Variants in SPI1 observed in about 807,000 individuals in gnomAD.
SPI1 encodes the protein Spi-1 proto-oncogene.
Under a neutral mutation model 30.7 loss-of-function variants are expected in SPI1, and 3 were observed. The ratio of observed to expected loss-of-function variants is 0.10; its 90% confidence interval spans 0.04 to 0.25. The LOEUF is 0.25. Among genes scored for constraint, SPI1 ranks in the 10% least tolerant of loss-of-function variants. The pLI is 1.00. For synonymous variants in SPI1, 169 were observed against 157.1 expected, an observed-to-expected ratio of 1.08 and a Z score of -0.56; for missense variants, 261 against 371.5, an observed-to-expected ratio of 0.70 and a Z score of 2.45.
At chr11:47,363,833 G>T (rs2095924348) in intron 2 of SPI1, among the ~76,000 whole-genome samples, 1 of 151,240 alleles carries the variant, frequency 6.6e-6, no homozygotes, top group Admixed American at 6.6e-5. Flanking sequence ...CTGATGGCAG[G>T]TGCCTGTAAT....
intron 1 of SPI1, among the ~76,000 whole-genome samples, chr11:47,376,175 C>A (rs1312932034): frequency 6.6e-6 from 1 of 152,040 alleles, no homozygotes; most frequent in East Asian, 1.9e-4. Context: ...ATCCCTCACA[C>A]ACACATCTTC....
At chr11:47,356,602 C>T (rs1169593378) in intron 4 of SPI1, among the ~76,000 whole-genome samples, 1 of 151,182 alleles carries the variant, frequency 6.6e-6, no homozygotes, top group African/African-American at 2.4e-5. Context: ...CTCATAATCA[C>T]ACCTGCTTAT....
Position 47,375,857 on chromosome 11 carries a change from C to A in SPI1, c.46-128G>T. 1 of 771,554 alleles carries A rather than the reference C, an allele frequency of 1.3e-6. No individual in the cohort carries two copies. The highest frequency in any genetic ancestry group is 2.3e-6 in the Non-Finnish European group (1 of 436,524). 47.8% of individuals were successfully genotyped at this position (771,554 alleles called of 1,614,324 possible). On this transcript the variant is annotated intron_variant, in intron 1 of 4. Coordinates refer to ENST00000378538, the MANE Select transcript of SPI1 (RefSeq NM_003120.3). This position sits in a 1 kb window ranked among gnomAD's most constrained non-coding sequence, Gnocchi z 4.2. ...TGGCTGCGTTGGACCTACAGCCCTC[C>A]CTCTGCCTGGAACTGGGACAGAGAG...
At position 47,374,081 on chromosome 11, in the gene SPI1, C is replaced by T. The variant is rs572307670; in HGVS notation, c.142+1552G>A. ...CCTGACAGCACTGTCTGTGGTGACC[C>T]GAGCCACCAGGGGGCGCCTGTCCCA... On this transcript the variant is annotated intron_variant, in intron 2 of 4. Transcript: ENST00000378538. This position sits in a 1 kb window ranked among gnomAD's most constrained non-coding sequence, Gnocchi z 4.5. 4.3e-4 allele frequency among the ~76,000 whole-genome samples: 65 copies of T among 152,284 alleles called. No individual in the cohort carries two copies. The highest frequency in any genetic ancestry group is 1.5e-3 in the African/African-American group (63 of 41,564).
intron 2 of SPI1, among the ~76,000 whole-genome samples, chr11:47,373,040 A>G (rs1040493536): frequency 1.3e-5 from 2 of 152,098 alleles, no homozygotes; most frequent in Non-Finnish European, 2.9e-5. Flanking sequence ...TTCAGACGAT[A>G]CCTTCCAGCG....
intron 2 of SPI1, among the ~76,000 whole-genome samples, chr11:47,370,629 G>A (rs571111633): frequency 6.6e-6 from 1 of 152,328 alleles, no homozygotes; most frequent in South Asian, 2.1e-4. Context: ...TTGAACCCAG[G>A]AGGCTGAGGC....
Position 47,375,621 on chromosome 11 carries a change from C to T in SPI1, c.142+12G>A, listed in dbSNP as rs750629551. The T allele has an allele frequency of 6.2e-7, 1 of 1,608,102 alleles. No homozygotes were observed. Among genetic ancestry groups the T allele is most frequent in the Non-Finnish European group, 8.5e-7 (1 of 1,174,824 alleles). ...GGCTGGGGGATGGGGGCGTGGCAGG[C>T]CCCGTACTCACCGCTATGGCTCTCC... On this transcript the variant is annotated intron_variant, in intron 2 of 4. Transcript: ENST00000378538. The surrounding 1 kb of genome is among the most constrained non-coding windows in gnomAD (Gnocchi z 4.2).
At chr11:47,373,500 T>C (rs1328630675) in intron 2 of SPI1, among the ~76,000 whole-genome samples, 1 of 150,870 alleles carries the variant, frequency 6.6e-6, no homozygotes, top group African/African-American at 2.4e-5. Context: ...ATACAAAAAT[T>C]AGCCAGGCAT....
At chr11:47,356,844 A>ATG in intron 4 of SPI1, among the ~76,000 whole-genome samples, 1 of 147,012 alleles carries the variant, frequency 6.8e-6, no homozygotes, top group Non-Finnish European at 1.5e-5. Flanking sequence ...TCAGCCCCAC[A>ATG]CGCACACACC....
In SPI1 at chr11:47,358,428, ATG is replaced by A. The variant is rs1442221508; in HGVS notation, c.493+414_493+415del. ...TGCTCACACGCACTGAAATACATTC[ATG>A]TGTTGACAGACACACAAACATGGCC... is the stretch of plus-strand genomic sequence containing the variant. On this transcript the variant is annotated intron_variant, in intron 4 of 4. Transcript: ENST00000378538. 1.3e-5 allele frequency: 8 copies of A among 631,960 alleles called. No individual in the cohort carries two copies. The African/African-American group carries it at 1.4e-4, about 11-fold the overall frequency. The allele number at this position is 631,960 out of a possible 1,614,324, so 39.1% of individuals were successfully genotyped here.
chr11:47,364,869 C>T (rs1312006910), intron 2 of SPI1, among the ~76,000 whole-genome samples: 1 of 152,166 alleles, frequency 6.6e-6, no homozygotes, highest in East Asian at 1.9e-4. Context: ...GGAGCTGGGA[C>T]TCTGCATCTA....
At position 47,359,751 on chromosome 11, in the gene SPI1, AGC is replaced by A; in HGVS notation, c.330+100_330+101del. ...CCGCCGTTGGCACTGTGGGGCAGGA[AGC>A]TGAGTTGGGTAAGAGCCTGTGTCAG... On this transcript the variant is annotated intron_variant, in intron 3 of 4. Transcript: ENST00000378538. This position sits in a 1 kb window ranked among gnomAD's most constrained non-coding sequence, Gnocchi z 5.1. 1.5e-6 allele frequency: 2 copies of A among 1,354,372 alleles called. No individual in the cohort carries two copies. Among genetic ancestry groups the A allele is most frequent in the East Asian group, 4.7e-5 (2 of 42,876 alleles). The allele number at this position is 1,354,372 out of a possible 1,614,324, so 83.9% of individuals were successfully genotyped here. A position where few individuals can be genotyped will look rare whatever the true frequency, so the allele number is the denominator to read the frequency against.
chr11:47,365,321 C>T (rs2095926705), intron 2 of SPI1, among the ~76,000 whole-genome samples: 1 of 152,202 alleles, frequency 6.6e-6, no homozygotes, highest in African/African-American at 2.4e-5. Flanking sequence ...TCTGGACCCT[C>T]ATTTCTACAG....
At chr11:47,366,531 G>A (rs542098207) in intron 2 of SPI1, among the ~76,000 whole-genome samples, 1 of 152,224 alleles carries the variant, frequency 6.6e-6, no homozygotes, top group South Asian at 2.1e-4. Context: ...TAGGGCTCCC[G>A]AAGCCCAGCC....
intron 4 of SPI1, among the ~76,000 whole-genome samples, chr11:47,356,365 C>A (rs550021217): frequency 1.2e-4 from 18 of 151,296 alleles, no homozygotes; most frequent in Admixed American, 3.3e-4. Flanking sequence ...GTCACACCCA[C>A]TCATGCTCAC....
At chr11:47,364,679 G>A (rs956778830) in intron 2 of SPI1, among the ~76,000 whole-genome samples, 9 of 151,930 alleles carry the variant, frequency 5.9e-5, no homozygotes, top group African/African-American at 1.2e-4. Flanking sequence ...GTTTTCCTCC[G>A]CACCCCCACC....
At chr11:47,357,601 T>C (rs573511349) in intron 4 of SPI1, among the ~76,000 whole-genome samples, 4 of 151,938 alleles carry the variant, frequency 2.6e-5, no homozygotes, top group African/African-American at 9.7e-5. Flanking sequence ...GAGTTGCTCT[T>C]GTTGCCCAGG....
chr11:47,361,892 A>G (rs998893059), intron 2 of SPI1, among the ~76,000 whole-genome samples: 6 of 87,726 alleles, frequency 6.8e-5, no homozygotes, highest in Non-Finnish European at 1.4e-4. Flanking sequence ...TCCCCACTCT[A>G]AAAGTCAGAA....
intron 2 of SPI1, among the ~76,000 whole-genome samples, chr11:47,371,098 C>T (rs919347318): frequency 7.2e-5 from 11 of 152,062 alleles, no homozygotes; most frequent in Non-Finnish European, 1.0e-4. Flanking sequence ...CGGTGGCTCA[C>T]GCCTGTAATC....
Sources: allele counts gnomAD v4.1 joint callset (sites outside exome capture counted in the v4.1 genomes callset), GRCh38; gene constraint gnomAD v4.1.1; non-coding constraint Gnocchi (gnomAD v3.1); transcripts MANE v1.5; gene names NCBI Gene and HGNC (gene_info 2026-07-23, HGNC 2026-07-21).